Variants in SYTL2 observed in about 807,000 individuals in gnomAD.
The protein encoded by SYTL2 is synaptotagmin-like protein 2.
Under a neutral mutation model 198.7 loss-of-function variants are expected in SYTL2, and 165 were observed. That is an observed-to-expected ratio of 0.83 (90% CI 0.73 to 0.94). The LOEUF is 0.94. Ranked by LOEUF, SYTL2 falls within the 40% of genes least tolerant of loss-of-function variation. The probability of loss-of-function intolerance (pLI) is 0.00; values close to 1 mark genes in which losing one functional copy is unlikely to be tolerated. For missense variants in SYTL2, 2,835 were observed against 2,582.8 expected (o/e 1.10, Z -2.12); for synonymous variants, 966 against 917.7 (o/e 1.05, Z -0.95).
intron 7 of SYTL2, among the ~76,000 whole-genome samples, chr11:85,728,708 C>A (rs953542110): frequency 6.6e-6 from 1 of 152,068 alleles, no homozygotes; most frequent in African/African-American, 2.4e-5. Flanking sequence ...TATCATAAAC[C>A]CTAGAGGGGG....
At position 85,700,521 on chromosome 11, in the gene SYTL2, C is replaced by A; in HGVS notation, c.6262G>T (p.Val2088Phe). The A allele has an allele frequency of 1.2e-6, 2 of 1,612,728 alleles. No individual in the cohort carries two copies. The highest frequency in any genetic ancestry group is 2.2e-5 in the South Asian group (2 of 91,060). Residue 2088 changes from valine to phenylalanine, a missense_variant, in exon 17 of 20, where the codon GTC (valine) becomes TTC (phenylalanine). By Grantham distance (50) the Val-to-Phe change is conservative. Coordinates refer to ENST00000359152, the MANE Select transcript of SYTL2 (RefSeq NM_206927.4). ...KLALQYVPEP[V>F]PGKKLPTTGE... ...ATAGAAAGTCATTACATACCAGGGA[C>A]TGGCTCTGGGACATACTGGAGAGCT...
chr11:85,807,971 T>TA (rs1239965045), intron 1 of SYTL2, among the ~76,000 whole-genome samples: 1 of 152,238 alleles, frequency 6.6e-6, no homozygotes, highest in Admixed American at 6.5e-5. Flanking sequence ...TGTGTGTTTT[T>TA]AAAATTTGTT....
rs1179393077 is a variant in SYTL2, at chr11:85,724,944, C to T, written c.4414G>A (p.Gly1472Ser). The T allele has an allele frequency of 6.2e-7, 1 of 1,613,928 alleles. No homozygotes were observed. The highest frequency in any genetic ancestry group is 8.5e-7 in the Non-Finnish European group (1 of 1,179,922). ...TCCACTTCCTGAGGGAGGCCTTTGC[C>T]ATATTGAGCAACAATGGAAGCAAAT... The part of the protein sequence containing the change: ...SSFASIVAQY[G>S]KGLPQEVEEI... Residue 1472 changes from glycine to serine, a missense_variant, in exon 8 of 20, where the codon GGC becomes AGC. Gly to Ser is a moderately conservative substitution (Grantham distance 56, BLOSUM62 0). Around this residue, in one of 3 missense-constraint regions of SYTL2, gnomAD observed 2,645 missense variants for 2,381.7 expected, o/e 1.11. Transcript: ENST00000359152.
intron 17 of SYTL2, among the ~76,000 whole-genome samples, chr11:85,698,853 A>G (rs984473600): frequency 6.6e-6 from 1 of 152,204 alleles, no homozygotes; most frequent in Admixed American, 6.5e-5. Flanking sequence ...GTGGTTAAAC[A>G]TTTTATAGGG....
chr11:85,718,903 T>C (rs1386533627), intron 9 of SYTL2, 60 bp from the exon 10 acceptor site: 1 of 1,590,774 alleles, frequency 6.3e-7, no homozygotes, highest in African/African-American at 1.3e-5. Context: ...AAAAGAACAA[T>C]GAGATTGTCC....
the SYTL2 span, among the ~76,000 whole-genome samples, chr11:85,833,110 G>T: frequency 6.6e-5 from 3 of 45,584 alleles, no homozygotes; most frequent in Non-Finnish European, 8.6e-5. Flanking sequence ...AAGGAAGGAA[G>T]GAAGGAAGGA....
At chr11:85,730,487 A>G (rs1591784623) in intron 7 of SYTL2, among the ~76,000 whole-genome samples, 1 of 152,230 alleles carries the variant, frequency 6.6e-6, no homozygotes, top group Non-Finnish European at 1.5e-5. Context: ...AACCAATGAC[A>G]AAAACCACAT....
At chr11:85,818,801 C>T in the SYTL2 span, among the ~76,000 whole-genome samples, 5 of 152,056 alleles carry the variant, frequency 3.3e-5, no homozygotes, top group Non-Finnish European at 7.4e-5. Flanking sequence ...AGCATTCCTC[C>T]CACCTCAGCC....
At chr11:85,734,894 C>T in intron 6 of SYTL2, 152 bp from the exon 7 acceptor site, 1 of 687,950 alleles carries the variant, frequency 1.5e-6, no homozygotes, top group Non-Finnish European at 2.3e-6. Context: ...ATGTGAAAAG[C>T]TTTTAAAAAT....
intron 7 of SYTL2, among the ~76,000 whole-genome samples, chr11:85,730,698 C>T (rs1318755799): frequency 6.6e-6 from 1 of 152,130 alleles, no homozygotes; most frequent in Non-Finnish European, 1.5e-5. Flanking sequence ...CAAGGATGCC[C>T]TCTCTCACCA....
In SYTL2 at chr11:85,714,473, A is replaced by T. The variant is rs766827459; in HGVS notation, c.5565T>A (p.Phe1855Leu). 12 of 1,613,688 alleles carry T rather than the reference A, an allele frequency of 7.4e-6. No individual in the cohort carries two copies. In the Middle Eastern group the frequency reaches 4.9e-4, roughly 66 times the overall value. Residue 1855 changes from phenylalanine to leucine, a missense_variant, in exon 12 of 20, where the codon TTT becomes TTA. This residue lies in a region of SYTL2 where 2,645 missense variants were observed against 2,381.7 expected (regional missense o/e 1.11). Coordinates refer to ENST00000359152, the MANE Select transcript of SYTL2 (RefSeq NM_206927.4). ...TCCTTTTGAGTTTGTCAGGGTGAGA[A>T]AATGGATTATCAGGTTGTGTAGGCA... is the stretch of plus-strand genomic sequence containing the variant. ...STVPTQPDNP[F>L]SHPDKLKRMS...
At chr11:85,822,922 G>A in the SYTL2 span, among the ~76,000 whole-genome samples, 1 of 152,188 alleles carries the variant, frequency 6.6e-6, no homozygotes, top group Non-Finnish European at 1.5e-5. Context: ...ATGGAGACAG[G>A]GCCTCCTTGT....
Position 85,727,218 on chromosome 11 carries a change from A to C in SYTL2, c.2140T>G (p.Phe714Val). ...TCTTTGACAACTGTTGAAGAGTCAA[A>C]ATTCACTTCTGAGTGTCCTCTATTT... is the stretch of plus-strand genomic sequence containing the variant. ...EENRGHSEVN[F>V]DSSTVVKEPG... is the part of the protein sequence containing the mutation. The change falls in exon 8 of 20, where the codon TTT (phenylalanine) becomes GTT (valine). Residue 714 changes from phenylalanine to valine, a missense_variant. By Grantham distance (50) the Phe-to-Val change is conservative (BLOSUM62 -1). Around this residue, in one of 3 missense-constraint regions of SYTL2, gnomAD observed 2,645 missense variants for 2,381.7 expected, o/e 1.11. Coordinates refer to ENST00000359152, the MANE Select transcript of SYTL2 (RefSeq NM_206927.4). The C allele has an allele frequency of 6.5e-7, 1 of 1,536,310 alleles. No individual in the cohort carries two copies. The highest frequency in any genetic ancestry group is 8.7e-7 in the Non-Finnish European group (1 of 1,146,960).
intron 1 of SYTL2, among the ~76,000 whole-genome samples, chr11:85,809,888 G>T (rs1015916006): frequency 4.6e-5 from 7 of 152,214 alleles, no homozygotes; most frequent in Non-Finnish European, 8.8e-5. Context: ...GGAAAGTGAG[G>T]GAAGGGAAAT....
intron 1 of SYTL2, among the ~76,000 whole-genome samples, chr11:85,763,836 A>G (rs2092163741): frequency 6.6e-6 from 1 of 152,250 alleles, no homozygotes; most frequent in Admixed American, 6.5e-5. Context: ...CATTGTGCAT[A>G]AAACTAAATG....
intron 2 of SYTL2, among the ~76,000 whole-genome samples, chr11:85,748,981 G>A (rs913048268): frequency 1.3e-5 from 2 of 152,146 alleles, no homozygotes; most frequent in Non-Finnish European, 2.9e-5. Flanking sequence ...CTGTGGAGGA[G>A]GAGTGATGTC....
chr11:85,736,162 T>C (rs2090323202), intron 6 of SYTL2, among the ~76,000 whole-genome samples: 1 of 152,162 alleles, frequency 6.6e-6, no homozygotes, highest in African/African-American at 2.4e-5. Flanking sequence ...TAAACAGAAC[T>C]TTGTGAACAC....
At chr11:85,808,355 G>A (rs1162781495) in intron 1 of SYTL2, among the ~76,000 whole-genome samples, 2 of 152,230 alleles carry the variant, frequency 1.3e-5, no homozygotes, top group East Asian at 3.9e-4. Context: ...ATTAGCCACT[G>A]CACCCGGCCT....
At chr11:85,712,397 C>T (rs1045905849) in intron 12 of SYTL2, among the ~76,000 whole-genome samples, 2 of 152,156 alleles carry the variant, frequency 1.3e-5, no homozygotes, top group African/African-American at 4.8e-5. Flanking sequence ...GGATAGGACT[C>T]TGCCTTGTTG....
Sources: gnomAD v4.1 joint callset for allele counts (sites outside exome capture counted in the v4.1 genomes callset) on GRCh38, gnomAD v4.1.1 for gene constraint, gnomAD v4.1.1 regional missense constraint, MANE v1.5 for transcripts, NCBI Gene and HGNC (gene_info 2026-07-23, HGNC 2026-07-21) for gene names.